The following ZFHX3 variants were observed in gnomAD, a reference collection of about 807,000 sequenced individuals.
ZFHX3 encodes the protein zinc finger homeobox protein 3.
ZFHX3 carries 42 observed loss-of-function variants against 279.1 expected under a neutral mutation model. The ratio of observed to expected loss-of-function variants is 0.15; its 90% CI spans 0.12 to 0.19. The LOEUF (loss-of-function observed/expected upper bound fraction) is 0.19, where lower values mean the gene tolerates loss of function less well. Ranked by LOEUF, ZFHX3 falls within the 10% of genes least tolerant of loss-of-function variation. The pLI, the probability that ZFHX3 is intolerant of heterozygous loss-of-function variation, is 1.00. For synonymous variants in ZFHX3, 2,293 were observed against 1,957.8 expected, an observed-to-expected ratio of 1.17 and a Z score of -4.52; for missense variants, 4,981 against 4,754.0, an observed-to-expected ratio of 1.05 and a Z score of -1.40.
At chr16:72,887,141 T>C (rs542193614) in intron 4 of ZFHX3, among the ~76,000 whole-genome samples, 7 of 152,278 alleles carry the variant, frequency 4.6e-5, no homozygotes, top group African/African-American at 1.7e-4. Flanking sequence ...TGCTGTTTCA[T>C]TTATATGAGG....
At chr16:73,141,600 G>T (rs1966847963) in intron 6 of ZFHX3, among the ~76,000 whole-genome samples, 1 of 151,962 alleles carries the variant, frequency 6.6e-6, no homozygotes, top group South Asian at 2.1e-4. Flanking sequence ...GTCTTGCTGT[G>T]TTACCCAGGC....
chr16:73,717,715 A>G (rs2053430063), intron 1 of ZFHX3, among the ~76,000 whole-genome samples: 1 of 152,176 alleles, frequency 6.6e-6, no homozygotes, highest in African/African-American at 2.4e-5. Flanking sequence ...GCCTTGTTTG[A>G]GGCTTAGAAG....
intron 2 of ZFHX3, among the ~76,000 whole-genome samples, chr16:73,565,279 A>G (rs2020434172): frequency 6.6e-6 from 1 of 152,070 alleles, no homozygotes; most frequent in South Asian, 2.1e-4. Context: ...CATTACCCTC[A>G]AATATTTGCA....
intron 3 of ZFHX3, 68 bp downstream of exon 3, chr16:72,950,401 C>T: frequency 1.3e-6 from 2 of 1,569,916 alleles, no homozygotes; most frequent in Non-Finnish European, 1.7e-6. Flanking sequence ...CCAGTGCTCC[C>T]TAACTCCCCG....
chr16:72,797,834 C>T lies in ZFHX3; in HGVS notation c.4848G>A (p.Arg1616=). The T allele has an allele frequency of 1.9e-6, 3 of 1,614,142 alleles. No individual in the cohort carries two copies. The South Asian group carries it at 3.3e-5, about 18-fold the overall frequency. ...GGGCCTTGGTTTGATGTAACACAGA[C>T]CTCATATGGATCTCCAGAGTGGAAC... ...SQSSTLEIHM[R]SVLHQTKARA... is the part of the protein sequence containing the mutation. Residue 1616 remains arginine (R), a synonymous_variant, in exon 9 of 10, where the codon AGG becomes AGA. Coordinates refer to ENST00000268489, the MANE Select transcript of ZFHX3 (RefSeq NM_006885.4).
intron 1 of ZFHX3, among the ~76,000 whole-genome samples, chr16:73,751,961 T>C (rs2053766001): frequency 6.6e-6 from 1 of 152,146 alleles, no homozygotes; most frequent in African/African-American, 2.4e-5. Flanking sequence ...GGTTATTCTC[T>C]CGGGGATTTG....
chr16:73,581,092 T>C (rs941662045), intron 2 of ZFHX3, among the ~76,000 whole-genome samples: 1 of 151,880 alleles, frequency 6.6e-6, no homozygotes, highest in African/African-American at 2.4e-5. Context: ...AATGCTCGTC[T>C]TGCCTTTTCT....
intron 1 of ZFHX3, among the ~76,000 whole-genome samples, chr16:73,717,022 G>T (rs1272337592): frequency 6.6e-6 from 1 of 152,060 alleles, no homozygotes; most frequent in East Asian, 1.9e-4. Context: ...GGAAATGAGT[G>T]CAAGCGCCAT....
At chr16:73,707,378 C>A (rs2053314670) in intron 1 of ZFHX3, among the ~76,000 whole-genome samples, 1 of 151,808 alleles carries the variant, frequency 6.6e-6, no homozygotes, top group Non-Finnish European at 1.5e-5. Context: ...GTAATGAGGA[C>A]TGAAAAAAGC....
chr16:73,147,432 C>T (rs1966868778), intron 5 of ZFHX3, among the ~76,000 whole-genome samples: 1 of 151,880 alleles, frequency 6.6e-6, no homozygotes, highest in South Asian at 2.1e-4. Flanking sequence ...GTGGCTCACG[C>T]CTGTAATCCC....
At chr16:73,320,382 A>C (rs1257078629) in intron 3 of ZFHX3, among the ~76,000 whole-genome samples, 1 of 152,188 alleles carries the variant, frequency 6.6e-6, no homozygotes, top group Non-Finnish European at 1.5e-5. Context: ...CACTTAAATA[A>C]AATACTCTAA....
At chr16:73,084,269 A>G (rs1965982657) in intron 8 of ZFHX3, among the ~76,000 whole-genome samples, 1 of 152,224 alleles carries the variant, frequency 6.6e-6, no homozygotes, top group South Asian at 2.1e-4. Context: ...AAAGAAATAA[A>G]GTGCATCCAA....
At chr16:73,305,102 A>C (rs2143144730) in intron 4 of ZFHX3, among the ~76,000 whole-genome samples, 1 of 152,318 alleles carries the variant, frequency 6.6e-6, no homozygotes, top group South Asian at 2.1e-4. Context: ...GCCTAGGAAA[A>C]ATGGCCCAAG....
chr16:73,107,262 A>G (rs1192022955), intron 7 of ZFHX3, among the ~76,000 whole-genome samples: 1 of 152,156 alleles, frequency 6.6e-6, no homozygotes, highest in Non-Finnish European at 1.5e-5. Context: ...GTGTGCCAAG[A>G]TCATGCCACT....
chr16:73,333,471 CAGAA>C (rs1057177630), intron 3 of ZFHX3, among the ~76,000 whole-genome samples: 1 of 152,046 alleles, frequency 6.6e-6, no homozygotes, highest in Non-Finnish European at 1.5e-5. Flanking sequence ...GATAAACAGA[CAGAA>C]AGAAAGCAAG....
At chr16:73,204,027 A>C (rs2011703031) in intron 5 of ZFHX3, among the ~76,000 whole-genome samples, 1 of 152,166 alleles carries the variant, frequency 6.6e-6, no homozygotes, top group African/African-American at 2.4e-5. Context: ...TGAATGGAAA[A>C]GATTCCTCTC....
At chr16:73,582,584 T>C (rs4636932) in intron 2 of ZFHX3, among the ~76,000 whole-genome samples, 88,651 of 151,620 alleles carry the variant, frequency 0.58, 26,989 homozygotes, top group East Asian at 0.9. Context: ...AAGCGATTCT[T>C]CTGCCTCAGC....
At position 73,637,061 on chromosome 16, in the gene ZFHX3, G is replaced by C. The variant is rs1597040072; in HGVS notation, c.-1547+43119C>G. On this transcript the variant is annotated intron_variant, in intron 2 of 17. Coordinates refer to the ZFHX3 transcript ENST00000641206. ...TGAAGTTCTGGTTTAGAAATAAGCA[G>C]ATCAACAGAAAAAAATATGTAAAAA... Among the ~76,000 whole-genome samples the C allele has an allele frequency of 2.0e-5, 3 of 151,804 alleles. No homozygotes were observed. In the East Asian group the frequency reaches 5.8e-4, roughly 29 times the overall value.
intron 3 of ZFHX3, among the ~76,000 whole-genome samples, chr16:73,347,044 G>A (rs1194955076): frequency 6.6e-6 from 1 of 152,172 alleles, no homozygotes; most frequent in African/African-American, 2.4e-5. Context: ...CAAGGATCCT[G>A]GAACTGCTAG....
Sources: gnomAD v4.1 joint callset for allele counts (sites outside exome capture counted in the v4.1 genomes callset) on GRCh38, gnomAD v4.1.1 for gene constraint, MANE v1.5 for transcripts, NCBI Gene and HGNC (gene_info 2026-07-23, HGNC 2026-07-21) for gene names.